CLASP2: variants seen among roughly 807,000 people sequenced by gnomAD.
CLASP2 encodes the protein CLIP-associating protein 2.
A neutral mutation model predicts 194.4 loss-of-function variants in CLASP2; 47 were observed. The observed-to-expected ratio is 0.24, with a 90% CI of 0.19 to 0.31. CLASP2 has a LOEUF of 0.31. Among genes scored for constraint, CLASP2 ranks in the 10% least tolerant of loss-of-function variants. The pLI, the probability that CLASP2 is intolerant of heterozygous loss-of-function variation, is 1.00. For missense variants in CLASP2, 1,445 were observed against 1,823.6 expected, an observed-to-expected ratio of 0.79 and a Z score of 3.78; for synonymous variants, 619 against 633.5, an observed-to-expected ratio of 0.98 and a Z score of 0.34.
At chr3:33,717,662 T>G in intron 1 of CLASP2, 146 bp downstream of exon 1, 1 of 853,540 alleles carries the variant, frequency 1.2e-6, no homozygotes, top group Non-Finnish European at 1.8e-6. Flanking sequence ...CCTGACCTCG[T>G]GATCCGCCCG....
At position 33,548,538 on chromosome 3, in the gene CLASP2, C is replaced by A. The variant is rs535778536; in HGVS notation, c.3153+2714G>T. 2.0e-5 allele frequency among the ~76,000 whole-genome samples: 3 copies of A among 152,128 alleles called. No individual in the cohort carries two copies. In the East Asian group the frequency reaches 5.8e-4, roughly 29 times the overall value. ...GGTCTTGATCTCCTGACCTCATGAT[C>A]CACCCGCCTGTTTCCCAAAGTGCTG... On this transcript the variant is annotated intron_variant, in intron 30 of 38. Coordinates refer to ENST00000682230, the MANE Select transcript of CLASP2 (RefSeq NM_001365631.1).
At chr3:33,625,379 CACATT>C (rs2077825996) in intron 10 of CLASP2, among the ~76,000 whole-genome samples, 2 of 150,368 alleles carry the variant, frequency 1.3e-5, no homozygotes, top group Admixed American at 6.6e-5. Context: ...CACACACACA[CACATT>C]ACATGTATAT....
chr3:33,541,494 C>T (rs1232456798), intron 32 of CLASP2, among the ~76,000 whole-genome samples: 3 of 152,174 alleles, frequency 2.0e-5, no homozygotes, highest in African/African-American at 7.2e-5. Context: ...CTACCCTCTG[C>T]CCTCTGGTAG....
chr3:33,668,022 A>G (rs1006106728), intron 6 of CLASP2, among the ~76,000 whole-genome samples: 1 of 152,186 alleles, frequency 6.6e-6, no homozygotes, highest in African/African-American at 2.4e-5. Context: ...GTTTGAGACC[A>G]GCCTGGCCAA....
At chr3:33,622,021 T>A (rs1229440220) in intron 11 of CLASP2, 114 bp downstream of exon 11, 28 of 771,196 alleles carry the variant, frequency 3.6e-5, no homozygotes, top group Non-Finnish European at 5.0e-5. Context: ...AAAAATGATT[T>A]TTGGATCATA....
intron 7 of CLASP2, among the ~76,000 whole-genome samples, chr3:33,646,308 C>T (rs558952129): frequency 2.3e-4 from 35 of 151,964 alleles, no homozygotes; most frequent in East Asian, 1.5e-3. Flanking sequence ...AATAGACACT[C>T]TAAAGTCACA....
chr3:33,531,579 C>T (rs2056312077), intron 34 of CLASP2, among the ~76,000 whole-genome samples: 1 of 152,132 alleles, frequency 6.6e-6, no homozygotes, highest in Non-Finnish European at 1.5e-5. Context: ...AGTTCGAGAC[C>T]AGCCTGACCA....
chr3:33,706,994 A>C (rs1324373644), intron 1 of CLASP2, among the ~76,000 whole-genome samples: 2 of 152,158 alleles, frequency 1.3e-5, no homozygotes, highest in Non-Finnish European at 2.9e-5. Context: ...AAACCAAATA[A>C]AATAAAATCT....
chr3:33,685,989 A>C (rs1012566757), intron 5 of CLASP2, among the ~76,000 whole-genome samples: 1 of 152,092 alleles, frequency 6.6e-6, no homozygotes, highest in African/African-American at 2.4e-5. Context: ...AAATGGCTAG[A>C]ATGGTAAATT....
chr3:33,613,908 T>C (rs2154268551), intron 12 of CLASP2, among the ~76,000 whole-genome samples: 1 of 152,300 alleles, frequency 6.6e-6, no homozygotes, highest in Admixed American at 6.5e-5. Context: ...AACCTAACCA[T>C]TGCTACATCA....
At chr3:33,713,631 A>G (rs1385639232) in intron 1 of CLASP2, among the ~76,000 whole-genome samples, 2 of 152,184 alleles carry the variant, frequency 1.3e-5, no homozygotes, top group East Asian at 1.9e-4. Flanking sequence ...ATGAAATGCT[A>G]GCACACAGCC....
intron 25 of CLASP2, among the ~76,000 whole-genome samples, chr3:33,572,786 A>T (rs1438178433): frequency 1.3e-5 from 2 of 152,072 alleles, no homozygotes; most frequent in Non-Finnish European, 2.9e-5. Flanking sequence ...ATTTTAATAA[A>T]CCAGTCAGTT....
chr3:33,624,953 T>C (rs1267631749), intron 10 of CLASP2, among the ~76,000 whole-genome samples: 1 of 152,040 alleles, frequency 6.6e-6, no homozygotes, highest in Non-Finnish European at 1.5e-5. Flanking sequence ...TCTCAAACAC[T>C]GTAAGATTAT....
intron 18 of CLASP2, among the ~76,000 whole-genome samples, chr3:33,598,282 C>G (rs534254895): frequency 1.3e-5 from 2 of 152,066 alleles, no homozygotes; most frequent in African/African-American, 4.8e-5. Flanking sequence ...CCTGTTAGCA[C>G]ATGATCCTGA....
chr3:33,623,180 T>C (rs2077394366), intron 10 of CLASP2, among the ~76,000 whole-genome samples: 1 of 152,224 alleles, frequency 6.6e-6, no homozygotes, highest in African/African-American at 2.4e-5. Flanking sequence ...ATGTGATATT[T>C]TGATAAAAGC....
chr3:33,594,575 C>T (rs2069711353), intron 20 of CLASP2, among the ~76,000 whole-genome samples: 1 of 151,624 alleles, frequency 6.6e-6, no homozygotes, highest in Non-Finnish European at 1.5e-5. Flanking sequence ...GGTGCATGAT[C>T]TCTCAAAGTA....
At chr3:33,683,276 T>C (rs934633819) in intron 6 of CLASP2, 1 of 152,182 alleles carries the variant, frequency 6.6e-6, no homozygotes, top group African/African-American at 2.4e-5. Flanking sequence ...CTTAAGAACT[T>C]TTTAAATGGT....
intron 30 of CLASP2, among the ~76,000 whole-genome samples, chr3:33,546,814 C>A (rs964415429): frequency 2.0e-5 from 3 of 152,058 alleles, no homozygotes; most frequent in Non-Finnish European, 4.4e-5. Context: ...AAAAATGTGC[C>A]AATAATTTCT....
chr3:33,645,015 T>C (rs916693986), intron 7 of CLASP2, 112 bp from the exon 8 acceptor site: 2 of 1,142,620 alleles, frequency 1.8e-6, no homozygotes, highest in Admixed American at 2.2e-5. Context: ...TGGTAAGATA[T>C]ATAATACGAA....
Sources: allele counts gnomAD v4.1 joint callset (sites outside exome capture counted in the v4.1 genomes callset), GRCh38; gene constraint gnomAD v4.1.1; transcripts MANE v1.5; gene names NCBI Gene and HGNC (gene_info 2026-07-23, HGNC 2026-07-21).